MECR: variants seen among roughly 807,000 people sequenced by gnomAD.
MECR encodes enoyl-[acyl-carrier-protein] reductase, mitochondrial.
A neutral mutation model predicts 49.1 loss-of-function variants in MECR; 37 were observed. The ratio of observed to expected loss-of-function variants is 0.75; its 90% CI spans 0.58 to 0.99. The LOEUF (loss-of-function observed/expected upper bound fraction) is 0.99, where lower values mean the gene tolerates loss of function less well. Among genes scored for constraint, MECR ranks in the 50% least tolerant of loss-of-function variants. The probability of loss-of-function intolerance (pLI) is 0.00; values close to 1 mark genes in which losing one functional copy is unlikely to be tolerated. For missense variants in MECR, 470 were observed against 479.6 expected, an observed-to-expected ratio of 0.98 and a Z score of 0.19; for synonymous variants, 198 against 191.1, an observed-to-expected ratio of 1.04 and a Z score of -0.30.
intron 3 of MECR, 115 bp downstream of exon 3, chr1:29,215,890 A>C (rs1679273332): frequency 7.9e-7 from 1 of 1,263,228 alleles, no homozygotes; most frequent in Non-Finnish European, 1.1e-6. Flanking sequence ...TAAATAAATA[A>C]AAAAAATAAA....
intron 7 of MECR, among the ~76,000 whole-genome samples, chr1:29,197,437 C>A (rs10915239): frequency 0.033 from 4,993 of 152,224 alleles, 121 homozygotes; most frequent in Non-Finnish European, 0.051. Flanking sequence ...TGTCTGACAC[C>A]CACACCCCCA....
the MECR span, chr1:29,173,503 G>A: frequency 9.7e-6 from 1 of 103,482 alleles, no homozygotes. Flanking sequence ...GTCTCACTCT[G>A]TTGCCCAGGC....
chr1:29,174,908 G>C, the MECR span, among the ~76,000 whole-genome samples: 23 of 150,800 alleles, frequency 1.5e-4, no homozygotes, highest in Admixed American at 1.3e-3. Flanking sequence ...TCTTGACCTT[G>C]TGATCTGCCA....
downstream of MECR, among the ~76,000 whole-genome samples, chr1:29,189,453 T>C (rs1359264310): frequency 2.6e-5 from 4 of 151,850 alleles, 1 homozygote; most frequent in African/African-American, 9.7e-5. Context: ...GCTCAAGTGA[T>C]CTGCCCGCCT....
At chr1:29,212,834 C>T (rs1678364182) in intron 3 of MECR, among the ~76,000 whole-genome samples, 1 of 152,244 alleles carries the variant, frequency 6.6e-6, no homozygotes, top group African/African-American at 2.4e-5. Flanking sequence ...CCCCACCCCA[C>T]CTTTCCAGCT....
intron 1 of MECR, among the ~76,000 whole-genome samples, chr1:29,220,303 A>AG (rs1574476644): frequency 6.6e-6 from 1 of 151,714 alleles, no homozygotes; most frequent in East Asian, 1.9e-4. Context: ...TGGGAGGCTG[A>AG]GGCAGGAGAA....
rs1232523318 is a variant in MECR, at chr1:29,201,787, G to A, written c.756+156C>T. On this transcript the variant is annotated intron_variant, in intron 6 of 9. Coordinates refer to ENST00000263702, the MANE Select transcript of MECR (RefSeq NM_016011.5). The surrounding 1 kb of genome is among the most constrained non-coding windows in gnomAD (Gnocchi z 4.3). ...GGGCACTTAATGCGTGCTGCCTGCC[G>A]CCTGGCTAGGGGGAATGGGCTTTAA... Among the ~76,000 whole-genome samples the A allele has an allele frequency of 6.6e-6, 1 of 152,164 alleles. No individual in the cohort carries two copies. Among genetic ancestry groups the A allele is most frequent in the Non-Finnish European group, 1.5e-5 (1 of 68,026 alleles).
chr1:29,196,642 C>G (rs1219232781), intron 7 of MECR, among the ~76,000 whole-genome samples: 2 of 151,528 alleles, frequency 1.3e-5, no homozygotes, highest in African/African-American at 4.9e-5. Flanking sequence ...GAGCCCTGAT[C>G]GCACTACTGC....
intron 3 of MECR, among the ~76,000 whole-genome samples, chr1:29,209,237 C>CT (rs1677358174): frequency 6.6e-6 from 1 of 152,208 alleles, no homozygotes; most frequent in African/African-American, 2.4e-5. Flanking sequence ...GTGTGATACT[C>CT]TGCTATTTTT....
the MECR span, among the ~76,000 whole-genome samples, chr1:29,180,381 A>G: frequency 6.6e-6 from 1 of 152,258 alleles, no homozygotes; most frequent in Non-Finnish European, 1.5e-5. Context: ...TTTACTGTAA[A>G]AGAAATCAGT....
the MECR span, chr1:29,169,507 T>C: frequency 6.6e-6 from 1 of 152,232 alleles, no homozygotes; most frequent in Non-Finnish European, 1.5e-5. Context: ...TACCAGTAAG[T>C]TGTGAACATT....
chr1:29,229,758 A>T lies in MECR; in HGVS notation c.176+973T>A, dbSNP rs544885707. ...AACTTGCCAAATGCAAAGCTAGGACAAGGATTTGACCCCAAGTATTTTGAT... is the reference window on the plus strand; with the variant it reads ...AACTTGCCAAATGCAAAGCTAGGACTAGGATTTGACCCCAAGTATTTTGAT... On this transcript the variant is annotated intron_variant, in intron 1 of 9. Transcript: ENST00000263702. 8.5e-5 allele frequency among the ~76,000 whole-genome samples: 13 copies of T among 152,320 alleles called. No individual in the cohort carries two copies. In the South Asian group the frequency reaches 2.5e-3, roughly 29 times the overall value.
the MECR span, chr1:29,171,188 G>A: frequency 6.6e-6 from 1 of 151,896 alleles, no homozygotes; most frequent in Non-Finnish European, 1.5e-5. Flanking sequence ...GCCTGAGGAG[G>A]AGAATCACTA....
chr1:29,198,617 TTTTG>T (rs995961661), intron 7 of MECR, among the ~76,000 whole-genome samples: 27 of 152,202 alleles, frequency 1.8e-4, no homozygotes, highest in Non-Finnish European at 3.5e-4. Context: ...CCTTGTTTTT[TTTTG>T]TTTGTTTGTT....
chr1:29,176,516 G>GT, the MECR span, among the ~76,000 whole-genome samples: 1 of 151,364 alleles, frequency 6.6e-6, no homozygotes, highest in Non-Finnish European at 1.5e-5. Context: ...AAAAAATACT[G>GT]TAACAGCTCA....
intron 7 of MECR, among the ~76,000 whole-genome samples, chr1:29,197,646 G>A (rs1367431476): frequency 3.3e-5 from 5 of 152,146 alleles, no homozygotes; most frequent in Non-Finnish European, 7.4e-5. Context: ...GCTGTCCTAG[G>A]GCAGGTACTT....
chr1:29,194,609 A>T (rs1673524636), intron 9 of MECR, among the ~76,000 whole-genome samples: 1 of 152,130 alleles, frequency 6.6e-6, no homozygotes, highest in African/African-American at 2.4e-5. Flanking sequence ...TCTGCTCAGG[A>T]AATGGAGCTC....
At chr1:29,202,370 C>G (rs1675529935) in intron 5 of MECR, among the ~76,000 whole-genome samples, 1 of 152,218 alleles carries the variant, frequency 6.6e-6, no homozygotes. Context: ...CCACTTCCCC[C>G]CTCTTTTCAA....
intron 6 of MECR, among the ~76,000 whole-genome samples, chr1:29,200,930 A>C (rs920388977): frequency 1.3e-5 from 2 of 152,288 alleles, no homozygotes; most frequent in African/African-American, 4.8e-5. Flanking sequence ...CTGGGACTGC[A>C]GATGAGTATC....
Sources: gnomAD v4.1 joint callset for allele counts (sites outside exome capture counted in the v4.1 genomes callset) on GRCh38, gnomAD v4.1.1 for gene constraint, Gnocchi (gnomAD v3.1) non-coding constraint, MANE v1.5 for transcripts, NCBI Gene and HGNC (gene_info 2026-07-23, HGNC 2026-07-21) for gene names.